The following SAMD4A variants were observed in gnomAD, a reference collection of about 807,000 sequenced individuals.
The protein encoded by SAMD4A is sterile alpha motif domain containing 4A, also known as protein Smaug homolog 1.
A neutral mutation model predicts 81.3 loss-of-function variants in SAMD4A; 33 were observed. The observed-to-expected ratio is 0.41, with a 90% CI of 0.31 to 0.54. SAMD4A has a LOEUF of 0.54. Among genes scored for constraint, SAMD4A ranks in the 20% least tolerant of loss-of-function variants. The probability of loss-of-function intolerance (pLI) is 0.37; values close to 1 mark genes in which losing one functional copy is unlikely to be tolerated. For synonymous variants in SAMD4A, 389 were observed against 382.1 expected, an observed-to-expected ratio of 1.02 and a Z score of -0.21; for missense variants, 854 against 951.1, an observed-to-expected ratio of 0.90 and a Z score of 1.34.
intron 6 of SAMD4A, among the ~76,000 whole-genome samples, chr14:54,754,481 G>A (rs2038187668): frequency 6.6e-6 from 1 of 152,186 alleles, no homozygotes; most frequent in Non-Finnish European, 1.5e-5. Flanking sequence ...CCCTGCGTGA[G>A]CTGATGAGAT....
At chr14:54,788,563 A>G (rs139475311) in intron 12 of SAMD4A, among the ~76,000 whole-genome samples, 232 of 152,260 alleles carry the variant, frequency 1.5e-3, no homozygotes, top group African/African-American at 5.4e-3. Flanking sequence ...CCGGGCAGCC[A>G]TCATTCCTTC....
intron 9 of SAMD4A, among the ~76,000 whole-genome samples, chr14:54,774,658 A>AAAAAAAAAAAAC (rs60736832): frequency 6.6e-6 from 1 of 151,242 alleles, no homozygotes; most frequent in African/African-American, 2.4e-5. Flanking sequence ...CTACCAAAAA[A>AAAAAAAAAAAAC]AAAAAGTTAG....
At chr14:54,758,072 G>A (rs1252665837) in intron 6 of SAMD4A, among the ~76,000 whole-genome samples, 1 of 152,154 alleles carries the variant, frequency 6.6e-6, no homozygotes, top group Non-Finnish European at 1.5e-5. Flanking sequence ...GTCATGTGTA[G>A]AAGGAAGGTG....
intron 2 of SAMD4A, among the ~76,000 whole-genome samples, chr14:54,610,556 G>T (rs928459821): frequency 6.6e-6 from 1 of 152,172 alleles, no homozygotes; most frequent in Non-Finnish European, 1.5e-5. Flanking sequence ...ACAACTGGGG[G>T]TTGCTTATGA....
intron 2 of SAMD4A, among the ~76,000 whole-genome samples, chr14:54,630,308 G>A (rs939185880): frequency 1.3e-5 from 2 of 152,180 alleles, no homozygotes; most frequent in African/African-American, 2.4e-5. Flanking sequence ...ATGCACAAGG[G>A]TTCCAATTTC....
intron 3 of SAMD4A, among the ~76,000 whole-genome samples, chr14:54,724,964 A>G (rs17127812): frequency 0.18 from 27,073 of 152,162 alleles, 2,715 homozygotes; most frequent in African/African-American, 0.27. Flanking sequence ...CATCACAGGC[A>G]ATTGGCTCTA....
intron 2 of SAMD4A, among the ~76,000 whole-genome samples, chr14:54,671,588 T>TGA (rs1377328872): frequency 5.9e-5 from 9 of 152,168 alleles, no homozygotes; most frequent in Non-Finnish European, 8.8e-5. Flanking sequence ...TTAGAGAAGG[T>TGA]GAGAGGTGCA....
chr14:54,676,100 G>A (rs1372894120), intron 2 of SAMD4A, among the ~76,000 whole-genome samples: 1 of 152,192 alleles, frequency 6.6e-6, no homozygotes, highest in Admixed American at 6.5e-5. Context: ...TAAGAAAGAT[G>A]GAGAACAACT....
Position 54,666,785 on chromosome 14 carries a change from A to G in SAMD4A, c.197-35277A>G, listed in dbSNP as rs937193797. The stretch of plus-strand genomic sequence containing the variant: ...ATTGACAGGGAGCATTAACCCTTTG[A>G]TTACCATAAGCCTATAGACACATAG... On this transcript the variant is annotated intron_variant, in intron 2 of 12. Transcript: ENST00000554335. Among the ~76,000 whole-genome samples the G allele has an allele frequency of 3.3e-5, 5 of 152,186 alleles. No homozygotes were observed. In the East Asian group the frequency reaches 9.6e-4, roughly 29 times the overall value.
At chr14:54,754,877 C>G in intron 6 of SAMD4A, 1 of 987,502 alleles carries the variant, frequency 1.0e-6, no homozygotes, top group Non-Finnish European at 1.2e-6. Flanking sequence ...CTCAATTTGC[C>G]CCATCCATTG....
chr14:54,581,228 T>C (rs2033455747), intron 2 of SAMD4A, among the ~76,000 whole-genome samples: 1 of 152,262 alleles, frequency 6.6e-6, no homozygotes, highest in Admixed American at 6.5e-5. Context: ...TATCGTATTA[T>C]ACAAAAGCAG....
rs149839552 is a variant in SAMD4A, at chr14:54,708,573, C to T, written c.715+5993C>T. Among the ~76,000 whole-genome samples the T allele has an allele frequency of 3.3e-3, 496 of 152,220 alleles. 2 individuals are homozygous for T. Among genetic ancestry groups the T allele is most frequent in the African/African-American group, 0.012 (485 of 41,556 alleles). ...ACTGTAGATAAAGAAGGCCAAGGCC[C>T]CCAGGCCTGGGCACCTCAACCTGAA... On this transcript the variant is annotated intron_variant, in intron 3 of 12. Coordinates refer to ENST00000554335, the MANE Select transcript of SAMD4A (RefSeq NM_015589.6).
chr14:54,763,683 G>C (rs182842811), intron 7 of SAMD4A, among the ~76,000 whole-genome samples: 220 of 152,234 alleles, frequency 1.4e-3, no homozygotes, highest in African/African-American at 3.9e-3. Context: ...TTTACTCTCT[G>C]GCTGACTCCT....
intron 3 of SAMD4A, among the ~76,000 whole-genome samples, chr14:54,723,506 T>A (rs1402967285): frequency 6.6e-6 from 1 of 152,200 alleles, no homozygotes; most frequent in Non-Finnish European, 1.5e-5. Context: ...GGCATCTTGG[T>A]CCTGGTGCAT....
chr14:54,581,814 C>A lies in SAMD4A; in HGVS notation c.196+13702C>A, dbSNP rs186573527. On this transcript the variant is annotated intron_variant, in intron 2 of 12. Coordinates refer to ENST00000554335, the MANE Select transcript of SAMD4A (RefSeq NM_015589.6). ...TAGATAAAAATTACTAAACTTAAAC[C>A]CATTCAGTGCAAAACCTTTGAGTAT... 7.2e-5 allele frequency among the ~76,000 whole-genome samples: 11 copies of A among 152,170 alleles called. No homozygotes were observed. The East Asian group carries it at 2.1e-3, about 29-fold the overall frequency.
At chr14:54,632,723 G>A (rs972152541) in intron 2 of SAMD4A, among the ~76,000 whole-genome samples, 2 of 152,168 alleles carry the variant, frequency 1.3e-5, no homozygotes, top group Non-Finnish European at 2.9e-5. Context: ...AGAACCTGTG[G>A]TCTGAATCCT....
At chr14:54,672,662 T>G (rs552502838) in intron 2 of SAMD4A, among the ~76,000 whole-genome samples, 1 of 152,358 alleles carries the variant, frequency 6.6e-6, no homozygotes, top group South Asian at 2.1e-4. Context: ...TAGTATTATT[T>G]TTTAAGGGTT....
rs543339242 is a variant in SAMD4A, at chr14:54,789,093, G to A, written c.*149G>A. The A allele has an allele frequency of 1.3e-4, 107 of 814,600 alleles. 2 individuals carry two copies. Among genetic ancestry groups the A allele is most frequent in the South Asian group, 9.3e-4 (64 of 69,036 alleles). 50.5% of individuals were successfully genotyped at this position (814,600 alleles called of 1,614,324 possible). A position where few individuals can be genotyped will look rare whatever the true frequency, so the allele number is the denominator to read the frequency against. ...TCTCCCGTTTTGATTTTGTGAGAGC[G>A]TAGGTCATCCTCGTAAACATATCAG... On this transcript the variant is annotated 3_prime_UTR_variant, in exon 13 of 13. Transcript: ENST00000554335.
chr14:54,579,796 A>G (rs908619807), intron 2 of SAMD4A, among the ~76,000 whole-genome samples: 2 of 152,204 alleles, frequency 1.3e-5, no homozygotes, highest in African/African-American at 2.4e-5. Context: ...CACTGCAGAA[A>G]GGAAAGCCTA....
Sources: gnomAD v4.1 joint callset for allele counts (sites outside exome capture counted in the v4.1 genomes callset) on GRCh38, gnomAD v4.1.1 for gene constraint, MANE v1.5 for transcripts, NCBI Gene and HGNC (gene_info 2026-07-23, HGNC 2026-07-21) for gene names.